PLXNA4: variants seen among roughly 807,000 people sequenced by gnomAD.
PLXNA4 encodes plexin-A4.
Under a neutral mutation model 191.8 loss-of-function variants are expected in PLXNA4, and 44 were observed. That is an observed-to-expected ratio of 0.23 (90% confidence interval 0.18 to 0.29). The LOEUF (loss-of-function observed/expected upper bound fraction) is 0.29. Among genes scored for constraint, PLXNA4 ranks in the 10% least tolerant of loss-of-function variants. The probability of loss-of-function intolerance (pLI) is 1.00; values close to 1 mark genes in which losing one functional copy is unlikely to be tolerated. For missense variants in PLXNA4, 1,800 were observed against 2,488.8 expected (o/e 0.72, Z 5.89); for synonymous variants, 1,082 against 1,009.5 (o/e 1.07, Z -1.36).
intron 2 of PLXNA4, among the ~76,000 whole-genome samples, chr7:132,634,596 C>T (rs774437161): frequency 6.6e-6 from 1 of 152,220 alleles, no homozygotes; most frequent in Non-Finnish European, 1.5e-5. Flanking sequence ...GAACAAGCGC[C>T]CCTGGGCCTT....
At chr7:132,185,515 G>T (rs1321381957) in intron 15 of PLXNA4, 52 bp from the exon 16 acceptor site, 1 of 1,566,836 alleles carries the variant, frequency 6.4e-7, no homozygotes, top group African/African-American at 1.4e-5. Flanking sequence ...GGAGGACAGA[G>T]GTCCTGAGTC....
intron 25 of PLXNA4, among the ~76,000 whole-genome samples, chr7:132,148,955 AC>A (rs1795514880): frequency 1.3e-5 from 2 of 152,218 alleles, no homozygotes; most frequent in African/African-American, 4.8e-5. Flanking sequence ...TATTGGCCAA[AC>A]AAAAGAGGCA....
At chr7:132,484,709 A>T (rs1340645316) in intron 3 of PLXNA4, 15 of 1,517,444 alleles carry the variant, frequency 9.9e-6, no homozygotes, top group African/African-American at 1.4e-5. Context: ...TGGTGTTCCA[A>T]CATTGTATCT....
chr7:132,255,210 G>C (rs1799392632), intron 4 of PLXNA4, among the ~76,000 whole-genome samples: 1 of 152,184 alleles, frequency 6.6e-6, no homozygotes, highest in Non-Finnish European at 1.5e-5. Context: ...ATGTTAGTCA[G>C]GAGTCTGTGG....
chr7:132,450,682 G>T (rs1172146212), intron 3 of PLXNA4, among the ~76,000 whole-genome samples: 1 of 152,218 alleles, frequency 6.6e-6, no homozygotes, highest in East Asian at 1.9e-4. Context: ...AGAGGAACCT[G>T]CTCAGCCTGC....
intron 3 of PLXNA4, among the ~76,000 whole-genome samples, chr7:132,425,994 G>T (rs1795029244): frequency 1.3e-5 from 2 of 152,208 alleles, no homozygotes; most frequent in Non-Finnish European, 2.9e-5. Context: ...TTCATAAAGT[G>T]CAGGCACAGG....
intron 3 of PLXNA4, among the ~76,000 whole-genome samples, chr7:132,466,433 T>C (rs1442642819): frequency 6.6e-6 from 1 of 152,174 alleles, no homozygotes; most frequent in Non-Finnish European, 1.5e-5. Flanking sequence ...TCCTTGAGCG[T>C]CCTTAGCAAC....
intron 24 of PLXNA4, among the ~76,000 whole-genome samples, chr7:132,162,207 A>AG (rs1328863235): frequency 1.3e-5 from 2 of 152,218 alleles, no homozygotes; most frequent in African/African-American, 2.4e-5. Flanking sequence ...CCACACCCTG[A>AG]GGGGGCTGCT....
intron 30 of PLXNA4, among the ~76,000 whole-genome samples, chr7:132,140,280 G>T (rs1012912902): frequency 3.3e-5 from 5 of 152,120 alleles, no homozygotes; most frequent in African/African-American, 7.2e-5. Context: ...TTATTTTTTG[G>T]GGGGTGGGTG....
intron 20 of PLXNA4, among the ~76,000 whole-genome samples, chr7:132,176,433 G>A (rs1338048990): frequency 6.6e-6 from 1 of 152,212 alleles, no homozygotes. Flanking sequence ...GAGGAACATG[G>A]GTGTGTATGC....
intron 7 of PLXNA4, among the ~76,000 whole-genome samples, chr7:132,226,996 C>T (rs893756116): frequency 2.0e-5 from 3 of 152,336 alleles, no homozygotes; most frequent in African/African-American, 7.2e-5. Context: ...CAGCTTGCCC[C>T]CAACAACAGG....
At chr7:132,418,318 T>G (rs1305327724) in intron 3 of PLXNA4, among the ~76,000 whole-genome samples, 1 of 152,238 alleles carries the variant, frequency 6.6e-6, no homozygotes, top group East Asian at 1.9e-4. Flanking sequence ...CAGACTCCAG[T>G]GGCAAATTCA....
chr7:132,207,487 A>G (rs1797664350), intron 10 of PLXNA4, among the ~76,000 whole-genome samples: 1 of 152,162 alleles, frequency 6.6e-6, no homozygotes, highest in Non-Finnish European at 1.5e-5. Flanking sequence ...AAAGTAGGCC[A>G]TGAATACCCA....
At chr7:132,569,309 C>T (rs1207346314) in intron 1 of PLXNA4, among the ~76,000 whole-genome samples, 1 of 152,222 alleles carries the variant, frequency 6.6e-6, no homozygotes, top group African/African-American at 2.4e-5. Context: ...TCCTCCTTTG[C>T]TTCATTTTTG....
At chr7:132,199,750 A>C (rs1251782829) in intron 12 of PLXNA4, among the ~76,000 whole-genome samples, 1 of 152,204 alleles carries the variant, frequency 6.6e-6, no homozygotes, top group Non-Finnish European at 1.5e-5. Context: ...AGCAGAAGGA[A>C]CTAGGCTGTG....
intron 1 of PLXNA4, among the ~76,000 whole-genome samples, chr7:132,560,622 C>T (rs1800997146): frequency 6.6e-6 from 1 of 152,062 alleles, no homozygotes; most frequent in African/African-American, 2.4e-5. Context: ...CTGGTCACTT[C>T]CGCCTGCAAA....
chr7:132,311,440 G>A (rs1014563058), intron 3 of PLXNA4, among the ~76,000 whole-genome samples: 10 of 152,112 alleles, frequency 6.6e-5, no homozygotes, highest in Admixed American at 5.9e-4. Context: ...GAGTGCAGGG[G>A]CTACATGTTA....
chr7:132,252,632 G>A (rs1799296150), intron 4 of PLXNA4, among the ~76,000 whole-genome samples: 1 of 152,112 alleles, frequency 6.6e-6, no homozygotes, highest in Non-Finnish European at 1.5e-5. Flanking sequence ...ATGCACTGTC[G>A]GTGAGTGTTT....
intron 22 of PLXNA4, among the ~76,000 whole-genome samples, chr7:132,165,791 G>A (rs1464949201): frequency 6.6e-6 from 1 of 152,050 alleles, no homozygotes; most frequent in Non-Finnish European, 1.5e-5. Context: ...CAGGAGAAGG[G>A]TTCCATGTCA....
Sources: gnomAD v4.1 joint callset for allele counts (sites outside exome capture counted in the v4.1 genomes callset) on GRCh38, gnomAD v4.1.1 for gene constraint, MANE v1.5 for transcripts, NCBI Gene and HGNC (gene_info 2026-07-23, HGNC 2026-07-21) for gene names.